Variants in AIG1 observed in about 807,000 individuals in gnomAD.
The protein encoded by AIG1 is androgen-induced gene 1 protein.
AIG1 carries 23 observed loss-of-function variants against 31.4 expected under a neutral mutation model. The ratio of observed to expected loss-of-function variants is 0.73; its 90% confidence interval spans 0.53 to 1.04. The LOEUF is 1.04. Among genes scored for constraint, AIG1 ranks in the 50% least tolerant of loss-of-function variants. The pLI, the probability that AIG1 is intolerant of heterozygous loss-of-function variation, is 0.00. For synonymous variants in AIG1, 100 were observed against 110.5 expected, an observed-to-expected ratio of 0.90 and a Z score of 0.60; for missense variants, 274 against 295.0, an observed-to-expected ratio of 0.93 and a Z score of 0.52.
rs1319607483 is a variant in AIG1 at position 143,082,059 on chromosome 6, A to G, written c.141+20993A>G. 2.6e-5 allele frequency among the ~76,000 whole-genome samples: 4 copies of G among 152,032 alleles called. No individual in the cohort carries two copies. In the East Asian group the frequency reaches 7.7e-4, roughly 29 times the overall value. On this transcript the variant is annotated intron_variant, in intron 1 of 5. Transcript: ENST00000357847. ...TGTCCTAATGGTTTCCTGATGTTTG[A>G]TACGTGTTCCCTCGGAAGTTAGGAA... is the stretch of plus-strand genomic sequence containing the variant.
At position 143,284,500 on chromosome 6, in the gene AIG1, T is replaced by C. The variant is rs1431467117; in HGVS notation, c.515+275T>C. Among the ~76,000 whole-genome samples the C allele has an allele frequency of 1.3e-5, 2 of 152,214 alleles. No individual in the cohort carries two copies. The highest frequency in any genetic ancestry group is 2.9e-5 in the Non-Finnish European group (2 of 68,038). On this transcript the variant is annotated intron_variant, in intron 4 of 5. Coordinates refer to ENST00000357847, the MANE Select transcript of AIG1 (RefSeq NM_016108.4). The surrounding 1 kb of genome is among the most constrained non-coding windows in gnomAD (Gnocchi z 4.4). ...CTCTTTTTCAAACTAAATGTTTTTGTTGGACACCGGTTTTATTGCTTAAGG... is the reference window on the plus strand; with the variant it reads ...CTCTTTTTCAAACTAAATGTTTTTGCTGGACACCGGTTTTATTGCTTAAGG...
At chr6:143,250,829 C>A (rs190360454) in intron 3 of AIG1, among the ~76,000 whole-genome samples, 5 of 152,056 alleles carry the variant, frequency 3.3e-5, no homozygotes, top group Non-Finnish European at 5.9e-5. Flanking sequence ...TGTTTTTTTG[C>A]GATTTATTTT....
At chr6:143,131,224 T>G (rs1163633715) in intron 1 of AIG1, among the ~76,000 whole-genome samples, 1 of 152,258 alleles carries the variant, frequency 6.6e-6, no homozygotes, top group South Asian at 2.1e-4. Context: ...CCATTTATTC[T>G]TTCTTCCTTT....
At chr6:143,155,584 C>G (rs1178430701) in intron 2 of AIG1, among the ~76,000 whole-genome samples, 1 of 151,670 alleles carries the variant, frequency 6.6e-6, no homozygotes, top group Non-Finnish European at 1.5e-5. Flanking sequence ...TTGTGGGGGT[C>G]AAGGAGAGAA....
chr6:143,105,711 G>A (rs1488443841), intron 1 of AIG1, among the ~76,000 whole-genome samples: 3 of 152,242 alleles, frequency 2.0e-5, no homozygotes, highest in Non-Finnish European at 4.4e-5. Flanking sequence ...TCTGCCATGG[G>A]GCTTTGCTTT....
chr6:143,324,149 T>C (rs1009306601), intron 4 of AIG1, among the ~76,000 whole-genome samples: 5 of 152,198 alleles, frequency 3.3e-5, no homozygotes, highest in Non-Finnish European at 7.3e-5. Context: ...TAAATTCCAG[T>C]AGGTTAAATG....
chr6:143,080,403 G>A (rs1330197640), intron 1 of AIG1, among the ~76,000 whole-genome samples: 1 of 152,152 alleles, frequency 6.6e-6, no homozygotes, highest in Non-Finnish European at 1.5e-5. Flanking sequence ...ACGTAACAAG[G>A]AGGTTAAAGA....
At chr6:143,123,767 T>C (rs1782430747) in intron 1 of AIG1, among the ~76,000 whole-genome samples, 1 of 152,218 alleles carries the variant, frequency 6.6e-6, no homozygotes, top group East Asian at 1.9e-4. Flanking sequence ...GTGATAAAGA[T>C]TGGTTAATTT....
chr6:143,268,789 A>C lies in AIG1; in HGVS notation c.400-15321A>C, dbSNP rs149029624. ...TTTGGTGGATGCCAGGATGTGCCACACAGGTCCCCTTTGGGGATTGGACTT... is the reference window on the plus strand; with the variant it reads ...TTTGGTGGATGCCAGGATGTGCCACCCAGGTCCCCTTTGGGGATTGGACTT... On this transcript the variant is annotated intron_variant, in intron 3 of 5. Transcript: ENST00000357847. This position sits in a 1 kb window ranked among gnomAD's most constrained non-coding sequence, Gnocchi z 5.0. 1.3e-5 allele frequency among the ~76,000 whole-genome samples: 2 copies of C among 152,356 alleles called. No homozygotes were observed. The highest frequency in any genetic ancestry group is 2.9e-5 in the Non-Finnish European group (2 of 68,032).
chr6:143,239,859 G>A (rs74939094), intron 3 of AIG1, among the ~76,000 whole-genome samples: 3,856 of 152,242 alleles, frequency 0.025, 76 homozygotes, highest in Non-Finnish European at 0.037. Flanking sequence ...TATATTAACC[G>A]TATCTGGCTC....
Position 143,219,184 on chromosome 6 carries a change from G to A in AIG1, c.399+54001G>A, listed in dbSNP as rs112806762. 2.1e-3 allele frequency among the ~76,000 whole-genome samples: 316 copies of A among 152,324 alleles called. 1 individual carries two copies. Among genetic ancestry groups the A allele is most frequent in the African/African-American group, 7.3e-3 (302 of 41,578 alleles). ...CATATCTGTAAAGATCAGAATAAGTGTTCTAATGTAATAAAGCAGATGGGA... is the reference window on the plus strand; with the variant it reads ...CATATCTGTAAAGATCAGAATAAGTATTCTAATGTAATAAAGCAGATGGGA... On this transcript the variant is annotated intron_variant, in intron 3 of 5. Coordinates refer to ENST00000357847, the MANE Select transcript of AIG1 (RefSeq NM_016108.4).
At chr6:143,342,731 C>G, downstream of AIG1, 1 of 911,640 alleles carries the variant, frequency 1.1e-6, no homozygotes, top group Non-Finnish European at 1.9e-6. Flanking sequence ...GTGGAATAAC[C>G]TAAGTGATGG....
At chr6:143,185,817 T>G (rs1789207994) in intron 3 of AIG1, among the ~76,000 whole-genome samples, 2 of 152,204 alleles carry the variant, frequency 1.3e-5, no homozygotes. Context: ...TCACATTTCC[T>G]TATTCTCCAA....
rs1273329144 is a variant in AIG1 at position 143,280,047 on chromosome 6, G to T, written c.400-4063G>T. On this transcript the variant is annotated intron_variant, in intron 3 of 5. Coordinates refer to ENST00000357847, the MANE Select transcript of AIG1 (RefSeq NM_016108.4). The surrounding 1 kb of genome is among the most constrained non-coding windows in gnomAD (Gnocchi z 4.1). ...TCTTAAGAGCTAAGAGCCACCTTTGGTGACTAGACTTTGTAACCATCTCAT... is the reference window on the plus strand; with the variant it reads ...TCTTAAGAGCTAAGAGCCACCTTTGTTGACTAGACTTTGTAACCATCTCAT... Among the ~76,000 whole-genome samples the T allele has an allele frequency of 6.6e-6, 1 of 152,192 alleles. No homozygotes were observed. The highest frequency in any genetic ancestry group is 2.4e-5 in the African/African-American group (1 of 41,452).
intron 3 of AIG1, among the ~76,000 whole-genome samples, chr6:143,243,389 A>T (rs1418338099): frequency 6.6e-6 from 1 of 152,226 alleles, no homozygotes; most frequent in East Asian, 1.9e-4. Flanking sequence ...ACACTAATAG[A>T]AGTTTCAAAA....
intron 3 of AIG1, among the ~76,000 whole-genome samples, chr6:143,181,768 A>C (rs1788741115): frequency 6.6e-6 from 1 of 152,094 alleles, no homozygotes; most frequent in African/African-American, 2.4e-5. Context: ...CAGGATGGAG[A>C]AGGAAGAAAG....
In AIG1 at chr6:143,256,650, A is replaced by G. The variant is rs1194177288; in HGVS notation, c.400-27460A>G. Among the ~76,000 whole-genome samples, 1 of 152,250 alleles carries G rather than the reference A, an allele frequency of 6.6e-6. No homozygotes were observed. Among genetic ancestry groups the G allele is most frequent in the Non-Finnish European group, 1.5e-5 (1 of 68,040 alleles). On this transcript the variant is annotated intron_variant, in intron 3 of 5. Transcript: ENST00000357847. This position sits in a 1 kb window ranked among gnomAD's most constrained non-coding sequence, Gnocchi z 4.6. The stretch of plus-strand genomic sequence containing the variant: ...GGGAAAGGATCTTACTGAAATAAAC[A>G]TATACTATCAATATGGCATTTGCCT...
In AIG1 at chr6:143,210,456, A is replaced by C. The variant is rs141829548; in HGVS notation, c.399+45273A>C. On this transcript the variant is annotated intron_variant, in intron 3 of 5. Coordinates refer to ENST00000357847, the MANE Select transcript of AIG1 (RefSeq NM_016108.4). ...CAAGGTAGAAACATAGGAAATAGCA[A>C]AGGAAAGATGAAAAGTAGCAAGAGG... Among the ~76,000 whole-genome samples the C allele has an allele frequency of 9.3e-3, 1,424 of 152,326 alleles. 22 individuals are homozygous for C. The highest frequency in any genetic ancestry group is 0.032 in the African/African-American group (1,336 of 41,568).
At chr6:143,094,937 G>A (rs1292442547) in intron 1 of AIG1, among the ~76,000 whole-genome samples, 4 of 151,758 alleles carry the variant, frequency 2.6e-5, no homozygotes, top group African/African-American at 9.7e-5. Context: ...AGAGCACAAT[G>A]CCATGAGTTG....
Sources: allele counts gnomAD v4.1 joint callset (sites outside exome capture counted in the v4.1 genomes callset), GRCh38; gene constraint gnomAD v4.1.1; non-coding constraint Gnocchi (gnomAD v3.1); transcripts MANE v1.5; gene names NCBI Gene and HGNC (gene_info 2026-07-23, HGNC 2026-07-21).